FBXL14: variants seen among roughly 807,000 people sequenced by gnomAD.
The protein encoded by FBXL14 is F-box and leucine rich repeat protein 14, also known as F-box/LRR-repeat protein 14.
In FBXL14, 11 loss-of-function variants were observed where a neutral mutation model predicts 24.5. That is an observed-to-expected ratio of 0.45 (90% confidence interval 0.28 to 0.74). The LOEUF (loss-of-function observed/expected upper bound fraction) is 0.74, where lower values mean the gene tolerates loss of function less well. Among genes scored for constraint, FBXL14 ranks in the 30% least tolerant of loss-of-function variants. FBXL14 has a pLI of 0.12. For missense variants in FBXL14, 384 were observed against 545.6 expected, an observed-to-expected ratio of 0.70 and a Z score of 2.95; for synonymous variants, 294 against 240.4, an observed-to-expected ratio of 1.22 and a Z score of -2.06.
At chr12:1,592,353 G>C (rs1450934207) in intron 1 of FBXL14, among the ~76,000 whole-genome samples, 1 of 151,956 alleles carries the variant, frequency 6.6e-6, no homozygotes, top group Non-Finnish European at 1.5e-5. Flanking sequence ...AAGAGGAGGA[G>C]TGATGAGAAG....
At chr12:1,587,987 G>C (rs892692580) in intron 1 of FBXL14, among the ~76,000 whole-genome samples, 1 of 152,164 alleles carries the variant, frequency 6.6e-6, no homozygotes, top group Non-Finnish European at 1.5e-5. Flanking sequence ...TTTGATGCAG[G>C]GAAGAGAAAG....
At position 1,569,622 on chromosome 12, in the gene FBXL14, G is replaced by A. The variant is rs868229508; in HGVS notation, c.1195-2812C>T. On this transcript the variant is annotated intron_variant, in intron 1 of 1. Coordinates refer to ENST00000339235, the MANE Select transcript of FBXL14 (RefSeq NM_152441.3). The surrounding 1 kb of genome is among the most constrained non-coding windows in gnomAD (Gnocchi z 4.2). ...TCACCGTGTTAGCCAGGATGGTCTCGATCTCCTGAACTTGTGATCCGCCCG... is the reference window on the plus strand; with the variant it reads ...TCACCGTGTTAGCCAGGATGGTCTCAATCTCCTGAACTTGTGATCCGCCCG... 1.3e-5 allele frequency among the ~76,000 whole-genome samples: 2 copies of A among 152,222 alleles called. No homozygotes were observed. Among genetic ancestry groups the A allele is most frequent in the South Asian group, 4.1e-4 (2 of 4,820 alleles).
At chr12:1,582,590 CT>C (rs1168239577) in intron 1 of FBXL14, among the ~76,000 whole-genome samples, 4 of 152,182 alleles carry the variant, frequency 2.6e-5, no homozygotes, top group Non-Finnish European at 5.9e-5. Flanking sequence ...AGATGTTCTG[CT>C]TTCATAAGAC....
At chr12:1,591,347 GTT>G (rs34841563) in intron 1 of FBXL14, among the ~76,000 whole-genome samples, 2,467 of 138,354 alleles carry the variant, frequency 0.018, 34 homozygotes, top group Middle Eastern at 0.066. Context: ...CAAGGCTGTT[GTT>G]TTTTTTTTTT....
chr12:1,566,573 CG>C lies in FBXL14; in HGVS notation c.*174del, dbSNP rs1183971910. 1.7e-6 allele frequency: 1 copy of C among 587,114 alleles called. No individual in the cohort carries two copies. The highest frequency in any genetic ancestry group is 3.1e-6 in the Non-Finnish European group (1 of 327,188). 36.4% of individuals were successfully genotyped at this position (587,114 alleles called of 1,614,324 possible). Reference sequence around the variant, plus strand: ...CCACTGTCCCCAGAACTGGAGAAACCGGCAGGAGAATGCAGCTTCACAAGGT... The same window carrying C: ...CCACTGTCCCCAGAACTGGAGAAACCGCAGGAGAATGCAGCTTCACAAGGT... On this transcript the variant is annotated 3_prime_UTR_variant, in exon 2 of 2. Transcript: ENST00000339235.
At chr12:1,580,387 ACT>A (rs1320362114) in intron 1 of FBXL14, among the ~76,000 whole-genome samples, 2 of 152,082 alleles carry the variant, frequency 1.3e-5, no homozygotes, top group African/African-American at 4.8e-5. Flanking sequence ...TTGCTTCCAA[ACT>A]CTCTACATCT....
chr12:1,577,553 A>G (rs2094458248), intron 1 of FBXL14, among the ~76,000 whole-genome samples: 1 of 152,258 alleles, frequency 6.6e-6, no homozygotes, highest in African/African-American at 2.4e-5. Context: ...GATGGTCATT[A>G]TCACTCACCT....
Position 1,581,367 on chromosome 12 carries a change from CCCTACAA to C in FBXL14, c.1194+11499_1194+11505del, listed in dbSNP as rs1297494892. On this transcript the variant is annotated intron_variant, in intron 1 of 1. Transcript: ENST00000339235. Reference sequence around the variant, plus strand: ...CTGGGGAGAGGGTTTGGGGAAGGTCCCCTACAAGAGAAACGTGCATCATCTTGGGATT... The same window carrying C: ...CTGGGGAGAGGGTTTGGGGAAGGTCCGAGAAACGTGCATCATCTTGGGATT... Among the ~76,000 whole-genome samples the C allele has an allele frequency of 2.0e-5, 3 of 152,238 alleles. No homozygotes were observed. The East Asian group carries it at 5.8e-4, about 29-fold the overall frequency.
At chr12:1,591,321 AAAT>A (rs1445435016) in intron 1 of FBXL14, among the ~76,000 whole-genome samples, 1 of 151,194 alleles carries the variant, frequency 6.6e-6, no homozygotes, top group Admixed American at 6.6e-5. Flanking sequence ...AATGCCTTAA[AAAT>A]AATTCGCAGA....
intron 1 of FBXL14, among the ~76,000 whole-genome samples, chr12:1,589,352 T>C (rs2094483747): frequency 6.9e-6 from 1 of 143,968 alleles, no homozygotes; most frequent in Admixed American, 7.1e-5. Flanking sequence ...GGGTTGTGAT[T>C]GTACCACTGC....
chr12:1,567,147 G>C lies in FBXL14; in HGVS notation c.1195-337C>G, dbSNP rs575464604. Among the ~76,000 whole-genome samples the C allele has an allele frequency of 1.3e-5, 2 of 152,048 alleles. No homozygotes were observed. Among genetic ancestry groups the C allele is most frequent in the Admixed American group, 6.6e-5 (1 of 15,260 alleles). On this transcript the variant is annotated intron_variant, in intron 1 of 1. Transcript: ENST00000339235. This position sits in a 1 kb window ranked among gnomAD's most constrained non-coding sequence, Gnocchi z 4.8. ...TTTACCCGGTCACAGCCACTATCAA[G>C]AAAAAGATATAAGACATACTAAAGG...
intron 1 of FBXL14, 69 bp from the exon 2 acceptor site, chr12:1,566,879 C>A: frequency 1.3e-6 from 1 of 767,410 alleles, no homozygotes; most frequent in South Asian, 1.4e-5. Context: ...CTAACGAGGT[C>A]GCCTCCCCTA....
At chr12:1,580,106 T>G in intron 1 of FBXL14, among the ~76,000 whole-genome samples, 1 of 152,248 alleles carries the variant, frequency 6.6e-6, no homozygotes, top group East Asian at 1.9e-4. Context: ...ACGTGGACAT[T>G]TGCTCAGTGT....
At chr12:1,578,975 A>C (rs2094461139) in intron 1 of FBXL14, among the ~76,000 whole-genome samples, 1 of 151,988 alleles carries the variant, frequency 6.6e-6, no homozygotes. Flanking sequence ...TCACTCCTGG[A>C]GAAAAGCTCT....
chr12:1,577,990 C>G (rs565577296), intron 1 of FBXL14, among the ~76,000 whole-genome samples: 2 of 152,176 alleles, frequency 1.3e-5, no homozygotes, highest in Non-Finnish European at 2.9e-5. Flanking sequence ...GCTGATACTT[C>G]TTTTCTCCGT....
intron 1 of FBXL14, among the ~76,000 whole-genome samples, chr12:1,570,849 C>T (rs977428756): frequency 6.6e-6 from 1 of 152,024 alleles, no homozygotes; most frequent in Non-Finnish European, 1.5e-5. Context: ...TGGTGGTCCT[C>T]CCAGGTGGTG....
chr12:1,588,842 C>T (rs749708764), intron 1 of FBXL14, among the ~76,000 whole-genome samples: 2 of 151,940 alleles, frequency 1.3e-5, no homozygotes, highest in Non-Finnish European at 2.9e-5. Flanking sequence ...GCAAAGTGTA[C>T]TATCAATTCA....
rs368576802 is a variant in FBXL14, at chr12:1,568,059, G to T, written c.1195-1249C>A. 2.8e-3 allele frequency among the ~76,000 whole-genome samples: 419 copies of T among 152,274 alleles called. 21 individuals are homozygous for T. In the South Asian group the frequency reaches 0.079, roughly 29 times the overall value. The stretch of plus-strand genomic sequence containing the variant: ...TGTCAGACACTAAACCACAGATCCA[G>T]GAATCTCAGAGAATCAGGACAAATG... On this transcript the variant is annotated intron_variant, in intron 1 of 1. Transcript: ENST00000339235.
intron 1 of FBXL14, among the ~76,000 whole-genome samples, chr12:1,591,354 T>TTC (rs1555152091): frequency 2.0e-5 from 3 of 151,334 alleles, no homozygotes; most frequent in Non-Finnish European, 4.4e-5. Context: ...GTTGTTTTTT[T>TTC]TTTTTTTTTC....
Sources: allele counts gnomAD v4.1 joint callset (sites outside exome capture counted in the v4.1 genomes callset), GRCh38; gene constraint gnomAD v4.1.1; non-coding constraint Gnocchi (gnomAD v3.1); transcripts MANE v1.5; gene names NCBI Gene and HGNC (gene_info 2026-07-23, HGNC 2026-07-21).